The following CPA3 variants were observed in gnomAD, a reference collection of about 807,000 sequenced individuals.
CPA3 encodes mast cell carboxypeptidase A.
In CPA3, 52 loss-of-function variants were observed where a neutral mutation model predicts 55.8. The observed-to-expected ratio is 0.93, with a 90% CI of 0.75 to 1.17. CPA3 has a LOEUF of 1.17. Among genes scored for constraint, CPA3 ranks in the 50% most tolerant of loss-of-function variants. The pLI is 0.00. For missense variants in CPA3, 547 were observed against 509.1 expected (o/e 1.07, Z -0.72); for synonymous variants, 179 against 171.2 (o/e 1.05, Z -0.36).
intron 10 of CPA3, among the ~76,000 whole-genome samples, chr3:148,890,670 A>G (rs1714643065): frequency 6.6e-6 from 1 of 152,224 alleles, no homozygotes; most frequent in African/African-American, 2.4e-5. Context: ...ATATAAAAGT[A>G]CAGGTTATTA....
In CPA3 at chr3:148,879,730, A is replaced by G. The variant is rs539956246; in HGVS notation, c.475-58A>G. On this transcript the variant is annotated intron_variant, in intron 5 of 10. Coordinates refer to ENST00000296046, the MANE Select transcript of CPA3 (RefSeq NM_001870.4). ...GAGAATATGAATGAGTTATTGGTCA[A>G]CAAGGGATCAATGTGTGAGTTTGTT... 2.6e-5 allele frequency: 30 copies of G among 1,138,906 alleles called. No individual in the cohort carries two copies. The African/African-American group carries it at 4.4e-4, about 17-fold the overall frequency. The allele number at this position is 1,138,906 out of a possible 1,614,324, so 70.6% of individuals were successfully genotyped here. A position where few individuals can be genotyped will look rare whatever the true frequency, so the allele number is the denominator to read the frequency against.
At position 148,896,607 on chromosome 3, in the gene CPA3, T is replaced by C; in HGVS notation, c.1154T>C (p.Phe385Ser). 6.3e-7 allele frequency: 1 copy of C among 1,592,472 alleles called. No individual in the cohort carries two copies. The highest frequency in any genetic ancestry group is 8.6e-7 in the Non-Finnish European group (1 of 1,163,568). The part of the protein sequence containing the change: ...FAFELRDKGK[F>S]GFLLPESRIK... Reference sequence around the variant, plus strand: ...TTTGAGCTCCGAGATAAAGGCAAATTTGGTTTTCTCCTTCCAGAATCCCGG... The same window carrying C: ...TTTGAGCTCCGAGATAAAGGCAAATCTGGTTTTCTCCTTCCAGAATCCCGG... Residue 385 changes from phenylalanine (F) to serine (S), a missense_variant, in exon 11 of 11, where the codon TTT (phenylalanine) becomes TCT (serine). By Grantham distance (155) the Phe-to-Ser change is radical. Coordinates refer to ENST00000296046, the MANE Select transcript of CPA3 (RefSeq NM_001870.4).
At chr3:148,877,058 A>G (rs1260467831) in intron 3 of CPA3, among the ~76,000 whole-genome samples, 1 of 152,242 alleles carries the variant, frequency 6.6e-6, no homozygotes, top group Non-Finnish European at 1.5e-5. Flanking sequence ...GGATATCTGA[A>G]TCCAAGTGAA....
At chr3:148,866,287 G>A (rs1163164045) in intron 2 of CPA3, among the ~76,000 whole-genome samples, 1 of 152,060 alleles carries the variant, frequency 6.6e-6, no homozygotes, top group Non-Finnish European at 1.5e-5. Context: ...TCAATCAAAG[G>A]CCCTGCCTAT....
chr3:148,865,318 T>G lies in CPA3; in HGVS notation c.11T>G (p.Ile4Ser). 1 of 1,614,146 alleles carries G rather than the reference T, an allele frequency of 6.2e-7. No individual in the cohort carries two copies. Among genetic ancestry groups the G allele is most frequent in the South Asian group, 1.1e-5 (1 of 91,082 alleles). Reference sequence around the variant, plus strand: ...AGGCAAAGAAGAACCATGAGGCTCATCCTGCCTGTGGGTTTGATTGCTACC... The same window carrying G: ...AGGCAAAGAAGAACCATGAGGCTCAGCCTGCCTGTGGGTTTGATTGCTACC... MRLILPVGLIATTL... is the reference protein window; with the variant it reads MRLSLPVGLIATTL... The change falls in exon 1 of 11, where the codon ATC becomes AGC. Residue 4 changes from isoleucine to serine, a missense_variant. Physicochemically the swap from Ile to Ser is moderately radical, Grantham distance 142. Transcript: ENST00000296046.
At chr3:148,883,917 G>T in intron 9 of CPA3, 102 bp downstream of exon 9, 1 of 862,052 alleles carries the variant, frequency 1.2e-6, no homozygotes, top group South Asian at 1.6e-5. Context: ...ACATTTTAAT[G>T]TCAAAGAAAA....
intron 6 of CPA3, among the ~76,000 whole-genome samples, chr3:148,880,812 A>G (rs1714341757): frequency 6.6e-6 from 1 of 152,150 alleles, no homozygotes; most frequent in African/African-American, 2.4e-5. Flanking sequence ...TTTTCTAGAA[A>G]AGAATCCACC....
chr3:148,869,119 G>T, intron 3 of CPA3, 80 bp downstream of exon 3: 1 of 1,511,858 alleles, frequency 6.6e-7, no homozygotes, highest in South Asian at 1.2e-5. Context: ...TATTACAATG[G>T]ACCTATTTTT....
Position 148,896,941 on chromosome 3 carries a change from C to G in CPA3, c.*234C>G. 2.9e-6 allele frequency: 1 copy of G among 345,510 alleles called. No individual in the cohort carries two copies. The highest frequency in any genetic ancestry group is 1.2e-4 in the South Asian group (1 of 8,386). The allele number at this position is 345,510 out of a possible 1,614,324, so 21.4% of individuals were successfully genotyped here. A position where few individuals can be genotyped will look rare whatever the true frequency, so the allele number is the denominator to read the frequency against. On this transcript the variant is annotated 3_prime_UTR_variant, in exon 11 of 11. Transcript: ENST00000296046. ...TCTTTGCTCCAAGTGAAGTTTGGAC[C>G]CAGCAGAAAGCATTATTTTGAAAGG...
chr3:148,869,136 G>GC (rs1310344854), intron 3 of CPA3, 97 bp downstream of exon 3: 1 of 1,385,268 alleles, frequency 7.2e-7, no homozygotes, highest in Non-Finnish European at 9.8e-7. Flanking sequence ...TTTTAATTGG[G>GC]CCCCCCAGAA....
chr3:148,882,189 A>C (rs534695018), intron 7 of CPA3, among the ~76,000 whole-genome samples: 33 of 152,322 alleles, frequency 2.2e-4, no homozygotes, highest in African/African-American at 7.9e-4. Context: ...GAACAAGCTA[A>C]TGAAGTTATA....
rs1714849147 is a variant in CPA3 at position 148,896,994 on chromosome 3, A to T, written c.*287A>T. The T allele has an allele frequency of 8.1e-6, 2 of 247,862 alleles. No individual in the cohort carries two copies. Among genetic ancestry groups the T allele is most frequent in the Middle Eastern group, 1.2e-3 (1 of 816 alleles). 15.4% of individuals were successfully genotyped at this position (247,862 alleles called of 1,614,324 possible). A position where few individuals can be genotyped will look rare whatever the true frequency, so the allele number is the denominator to read the frequency against. On this transcript the variant is annotated 3_prime_UTR_variant, in exon 11 of 11. Transcript: ENST00000296046. ...ATATACAGTGGGGCACAGAAAACAA[A>T]TGAAAACCTTCAGTTTCTCACAGAT...
intron 3 of CPA3, among the ~76,000 whole-genome samples, chr3:148,874,456 T>C (rs564668593): frequency 6.6e-6 from 1 of 152,264 alleles, no homozygotes; most frequent in East Asian, 1.9e-4. Context: ...CCACCCAAAA[T>C]ATAATTTCAA....
At chr3:148,889,432 C>T (rs563639160) in intron 10 of CPA3, among the ~76,000 whole-genome samples, 1 of 152,018 alleles carries the variant, frequency 6.6e-6, no homozygotes, top group East Asian at 1.9e-4. Context: ...GGATCTCTGG[C>T]CTTTAGAAAA....
intron 6 of CPA3, among the ~76,000 whole-genome samples, chr3:148,881,259 C>T (rs140742599): frequency 6.6e-6 from 1 of 152,232 alleles, no homozygotes; most frequent in East Asian, 1.9e-4. Flanking sequence ...ATCTCTCATG[C>T]TACATTTGGA....
intron 10 of CPA3, among the ~76,000 whole-genome samples, chr3:148,887,347 G>A (rs1365088664): frequency 1.3e-5 from 2 of 152,152 alleles, no homozygotes; most frequent in Non-Finnish European, 2.9e-5. Flanking sequence ...TTTTTATGGA[G>A]TCTTTACAAG....
Position 148,893,618 on chromosome 3 carries a change from G to T in CPA3, c.1067-2902G>T, listed in dbSNP as rs77474306. Among the ~76,000 whole-genome samples the T allele has an allele frequency of 3.0e-3, 452 of 152,250 alleles. 2 individuals are homozygous for T. Among genetic ancestry groups the T allele is most frequent in the African/African-American group, 0.011 (441 of 41,564 alleles). ...AGGAGCTGGAAAAAAAATGTTTGAA[G>T]AAATAAAAGCTGAAATATCCTACAT... On this transcript the variant is annotated intron_variant, in intron 10 of 10. Coordinates refer to ENST00000296046, the MANE Select transcript of CPA3 (RefSeq NM_001870.4).
intron 3 of CPA3, 99 bp downstream of exon 3, chr3:148,869,138 C>T: frequency 7.4e-7 from 1 of 1,352,268 alleles, no homozygotes; most frequent in South Asian, 1.4e-5. Context: ...TTAATTGGGC[C>T]CCCCAGAACG....
intron 10 of CPA3, among the ~76,000 whole-genome samples, chr3:148,894,660 A>AT (rs11373756): frequency 0.64 from 96,436 of 151,838 alleles, 30,763 homozygotes; most frequent in East Asian, 0.69. Context: ...ATACTATGCC[A>AT]TAGGAAGAAT....
Sources: allele counts gnomAD v4.1 joint callset (sites outside exome capture counted in the v4.1 genomes callset), GRCh38; gene constraint gnomAD v4.1.1; transcripts MANE v1.5; gene names NCBI Gene and HGNC (gene_info 2026-07-23, HGNC 2026-07-21).